ANGPT1: variants seen among roughly 807,000 people sequenced by gnomAD.
The protein encoded by ANGPT1 is angiopoietin 1, also known as angiopoietin-1.
Under a neutral mutation model 62.2 loss-of-function variants are expected in ANGPT1, and 17 were observed. That is an observed-to-expected ratio of 0.27 (90% CI 0.19 to 0.41). The LOEUF is 0.41. Among genes scored for constraint, ANGPT1 ranks in the 10% least tolerant of loss-of-function variants. The probability of loss-of-function intolerance (pLI) is 1.00; values close to 1 mark genes in which losing one functional copy is unlikely to be tolerated. For missense variants in ANGPT1, 478 were observed against 594.9 expected (o/e 0.80, Z 2.04); for synonymous variants, 199 against 198.9 (o/e 1.00, Z 0.00).
intron 1 of ANGPT1, among the ~76,000 whole-genome samples, chr8:107,403,883 G>T (rs769180522): frequency 6.6e-6 from 1 of 152,184 alleles, no homozygotes; most frequent in East Asian, 1.9e-4. Context: ...TTGCATTACT[G>T]TCATGAAGAA....
chr8:107,434,817 A>G (rs180735591), intron 1 of ANGPT1, among the ~76,000 whole-genome samples: 1 of 152,298 alleles, frequency 6.6e-6, no homozygotes, highest in African/African-American at 2.4e-5. Context: ...TTTTTCCCTG[A>G]AAGTGGTAAA....
intron 1 of ANGPT1, 79 bp from the exon 2 acceptor site, chr8:107,347,176 A>C: frequency 7.1e-7 from 1 of 1,418,154 alleles, no homozygotes; most frequent in Non-Finnish European, 9.6e-7. Context: ...TACAATAACA[A>C]AACAAGACAC....
intron 1 of ANGPT1, among the ~76,000 whole-genome samples, chr8:107,481,836 T>C (rs1812696900): frequency 6.6e-6 from 1 of 152,088 alleles, no homozygotes; most frequent in South Asian, 2.1e-4. Flanking sequence ...ACTCACCCAC[T>C]CTCATGAGAA....
At position 107,251,647 on chromosome 8, in the gene ANGPT1, C is replaced by T. The variant is rs1278605800; in HGVS notation, c.*208G>A. 7 of 567,600 alleles carry T rather than the reference C, an allele frequency of 1.2e-5. No homozygotes were observed. Among genetic ancestry groups the T allele is most frequent in the East Asian group, 3.0e-5 (1 of 33,614 alleles). 35.2% of individuals were successfully genotyped at this position (567,600 alleles called of 1,614,324 possible). A position where few individuals can be genotyped will look rare whatever the true frequency, so the allele number is the denominator to read the frequency against. ...AGTGGAGTTTTCTATAGTCGAGCCA[C>T]GTGAGCACTGTCACCCCAAGTAGAG... On this transcript the variant is annotated 3_prime_UTR_variant, in exon 9 of 9. Coordinates refer to ENST00000517746, the MANE Select transcript of ANGPT1 (RefSeq NM_001146.5).
intron 3 of ANGPT1, among the ~76,000 whole-genome samples, chr8:107,335,104 C>T (rs1352170679): frequency 6.6e-6 from 1 of 152,112 alleles, no homozygotes; most frequent in East Asian, 1.9e-4. Flanking sequence ...ATGAAGAGGC[C>T]ATGTGTTATA....
At chr8:107,308,505 T>G (rs941968957) in intron 4 of ANGPT1, among the ~76,000 whole-genome samples, 1 of 152,104 alleles carries the variant, frequency 6.6e-6, no homozygotes, top group African/African-American at 2.4e-5. Flanking sequence ...CAGACAATTG[T>G]TATCTTAGAG....
At chr8:107,338,077 C>G (rs981506553) in intron 2 of ANGPT1, among the ~76,000 whole-genome samples, 1 of 152,176 alleles carries the variant, frequency 6.6e-6, no homozygotes, top group African/African-American at 2.4e-5. Context: ...GCCTGGGTGA[C>G]AGAGTGAGAC....
intron 7 of ANGPT1, among the ~76,000 whole-genome samples, chr8:107,269,170 G>A (rs796825692): frequency 2.0e-5 from 3 of 152,186 alleles, no homozygotes; most frequent in African/African-American, 7.2e-5. Flanking sequence ...GCACAGTTCA[G>A]GGGCTCATTC....
At chr8:107,449,289 T>C (rs1439081750) in intron 1 of ANGPT1, among the ~76,000 whole-genome samples, 1 of 151,914 alleles carries the variant, frequency 6.6e-6, no homozygotes, top group Non-Finnish European at 1.5e-5. Flanking sequence ...CTTTATGACA[T>C]AAAGTAACCT....
At chr8:107,437,875 A>G (rs548555095) in intron 1 of ANGPT1, among the ~76,000 whole-genome samples, 1 of 152,314 alleles carries the variant, frequency 6.6e-6, no homozygotes, top group South Asian at 2.1e-4. Context: ...TCTAAAATGC[A>G]AAGGACTGGT....
intron 1 of ANGPT1, among the ~76,000 whole-genome samples, chr8:107,472,190 T>C (rs1812378477): frequency 6.6e-6 from 1 of 152,076 alleles, no homozygotes; most frequent in Non-Finnish European, 1.5e-5. Flanking sequence ...TGTCATAACA[T>C]TGGCAAGCAG....
intron 3 of ANGPT1, among the ~76,000 whole-genome samples, chr8:107,329,151 A>G (rs1020058316): frequency 1.3e-5 from 2 of 152,086 alleles, no homozygotes; most frequent in Non-Finnish European, 2.9e-5. Flanking sequence ...ATGAGTGTAC[A>G]TCTGTGTAAA....
At chr8:107,320,749 A>G (rs1815130918) in intron 4 of ANGPT1, among the ~76,000 whole-genome samples, 1 of 152,170 alleles carries the variant, frequency 6.6e-6, no homozygotes, top group Non-Finnish European at 1.5e-5. Flanking sequence ...ATATAACTCG[A>G]GGTAATGGAG....
intron 1 of ANGPT1, among the ~76,000 whole-genome samples, chr8:107,353,815 C>A (rs936023249): frequency 6.6e-6 from 1 of 152,072 alleles, no homozygotes; most frequent in Non-Finnish European, 1.5e-5. Context: ...GTGAATGAGT[C>A]ATTTCAATAG....
chr8:107,300,054 T>G (rs1385182752), intron 5 of ANGPT1, among the ~76,000 whole-genome samples: 1 of 143,186 alleles, frequency 7.0e-6, no homozygotes, highest in African/African-American at 2.5e-5. Flanking sequence ...TATATATAGT[T>G]ATATCTAGAT....
chr8:107,383,301 G>T, intron 1 of ANGPT1, among the ~76,000 whole-genome samples: 1 of 152,136 alleles, frequency 6.6e-6, no homozygotes, highest in Non-Finnish European at 1.5e-5. Context: ...AGAGCTCCAA[G>T]AAAGGGCTGG....
chr8:107,311,154 T>C (rs1814851719), intron 4 of ANGPT1, among the ~76,000 whole-genome samples: 1 of 151,634 alleles, frequency 6.6e-6, no homozygotes, highest in Admixed American at 6.6e-5. Context: ...ATTGGATCAT[T>C]GAAAGTACGT....
intron 7 of ANGPT1, 32 bp downstream of exon 7, chr8:107,284,650 G>A: frequency 7.0e-7 from 1 of 1,421,620 alleles, no homozygotes; most frequent in Non-Finnish European, 9.4e-7. Context: ...TAGGTAAAAG[G>A]TAGTCGAACA....
chr8:107,294,489 TATA>T (rs1265571342), intron 5 of ANGPT1: 2 of 152,992 alleles, frequency 1.3e-5, no homozygotes, highest in Non-Finnish European at 2.9e-5. Flanking sequence ...ATTTTTAAAA[TATA>T]ATGTCTTTAA....
Sources: gnomAD v4.1 joint callset for allele counts (sites outside exome capture counted in the v4.1 genomes callset) on GRCh38, gnomAD v4.1.1 for gene constraint, MANE v1.5 for transcripts, NCBI Gene and HGNC (gene_info 2026-07-23, HGNC 2026-07-21) for gene names.